ABR: variants seen among roughly 807,000 people sequenced by gnomAD.
The protein encoded by ABR is active breakpoint cluster region-related protein.
ABR carries 35 observed loss-of-function variants against 107.2 expected under a neutral mutation model. The observed-to-expected ratio is 0.33, with a 90% CI of 0.25 to 0.43. ABR has a LOEUF of 0.43. Ranked by LOEUF, ABR falls within the 20% of genes least tolerant of loss-of-function variation. ABR has a pLI of 1.00. For missense variants in ABR, 815 were observed against 1,115.2 expected, an observed-to-expected ratio of 0.73 and a Z score of 3.83; for synonymous variants, 498 against 462.0, an observed-to-expected ratio of 1.08 and a Z score of -1.00.
rs1378835363 is a variant in ABR at position 1,210,967 on chromosome 17, T to C, written c.838+17826A>G. 6.6e-6 allele frequency among the ~76,000 whole-genome samples: 1 copy of C among 152,014 alleles called. No homozygotes were observed. Among genetic ancestry groups the C allele is most frequent in the Non-Finnish European group, 1.5e-5 (1 of 68,010 alleles). ...GGGTGCTGGACTGGCTGCTGAAAAA[T>C]CTCCCGAGCTTGTTAAAAACAGAGA... On this transcript the variant is annotated intron_variant, in intron 1 of 22. Transcript: ENST00000574139. This position sits in a 1 kb window ranked among gnomAD's most constrained non-coding sequence, Gnocchi z 5.6.
rs532801481 is a variant in ABR at position 1,194,684 on chromosome 17, C to T, written c.838+34109G>A. Reference sequence around the variant, plus strand: ...TTTTTTTTTTTTTAAGATGGAGTCTCGCTCTGTTGCCCAGGCTGGAGTGCA... The same window carrying T: ...TTTTTTTTTTTTTAAGATGGAGTCTTGCTCTGTTGCCCAGGCTGGAGTGCA... On this transcript the variant is annotated intron_variant, in intron 1 of 22. Coordinates refer to the ABR transcript ENST00000574139. 7.3e-5 allele frequency among the ~76,000 whole-genome samples: 9 copies of T among 123,976 alleles called. 2 individuals carry two copies. The highest frequency in any genetic ancestry group is 1.4e-4 in the Non-Finnish European group (8 of 58,080). 81.3% of individuals were successfully genotyped at this position (123,976 alleles called of 152,430 possible).
intron 1 of ABR, among the ~76,000 whole-genome samples, chr17:1,223,357 A>G (rs896321914): frequency 5.6e-5 from 8 of 144,084 alleles, no homozygotes; most frequent in African/African-American, 2.0e-4. Context: ...TCGTCACTCT[A>G]CGCCAGGTGT....
At chr17:1,228,553 T>TGCC (rs1386702187) in intron 1 of ABR, among the ~76,000 whole-genome samples, 3 of 152,126 alleles carry the variant, frequency 2.0e-5, no homozygotes, top group Non-Finnish European at 2.9e-5. Flanking sequence ...GCGCCGGCCC[T>TGCC]GCCGCCGCCG....
chr17:1,008,839 C>A (rs1030584730), intron 21 of ABR, among the ~76,000 whole-genome samples: 2 of 152,186 alleles, frequency 1.3e-5, no homozygotes, highest in Non-Finnish European at 2.9e-5. Context: ...CTGAGGACCT[C>A]TGAACTTTGC....
intron 1 of ABR, among the ~76,000 whole-genome samples, chr17:1,197,751 A>G (rs1416874794): frequency 6.6e-6 from 1 of 151,288 alleles, no homozygotes; most frequent in East Asian, 1.9e-4. Context: ...ATTGCTCCCT[A>G]TAGCCAACAT....
In ABR at chr17:1,057,019, G is replaced by A; in HGVS notation, c.1465C>T (p.Pro489Ser). 1 of 1,609,552 alleles carries A rather than the reference G, an allele frequency of 6.2e-7. No individual in the cohort carries two copies. Among genetic ancestry groups the A allele is most frequent in the Non-Finnish European group, 8.5e-7 (1 of 1,176,400 alleles). The change falls in exon 13 of 23, where the codon CCT becomes TCT. Residue 489 changes from proline to serine, a missense_variant. Around this residue, in one of 5 missense-constraint regions of ABR, gnomAD observed 385 missense variants for 596.9 expected, o/e 0.64. Transcript: ENST00000302538. ...TTACCGTCTTTATTGCTGGTGACAG[G>A]AATGTTGTGTACAGTCCTAAGCTTG... ...CFKLRTVHNI[P>S]VTSNKDDDES...
At chr17:1,022,798 G>T (rs916262256) in intron 16 of ABR, among the ~76,000 whole-genome samples, 1 of 152,252 alleles carries the variant, frequency 6.6e-6, no homozygotes, top group African/African-American at 2.4e-5. Context: ...CCACAGATAG[G>T]CTCGGGCTGA....
At chr17:1,069,181 C>T (rs1187452806) in intron 9 of ABR, among the ~76,000 whole-genome samples, 5 of 152,254 alleles carry the variant, frequency 3.3e-5, no homozygotes, top group African/African-American at 1.2e-4. Flanking sequence ...GTGATTACGA[C>T]TGTGTGAAGA....
intron 16 of ABR, among the ~76,000 whole-genome samples, chr17:1,021,634 T>C (rs183683964): frequency 1.8e-4 from 27 of 150,220 alleles, no homozygotes; most frequent in Non-Finnish European, 2.8e-4. Context: ...CGAAACCCCG[T>C]CTCTACTAAA....
chr17:1,196,421 A>G (rs2042566883), intron 1 of ABR, among the ~76,000 whole-genome samples: 2 of 152,210 alleles, frequency 1.3e-5, no homozygotes, highest in South Asian at 4.1e-4. Flanking sequence ...CAAGAGTGAA[A>G]ACTCTGGCCC....
chr17:1,113,277 G>GGT (rs1416563541), intron 2 of ABR, among the ~76,000 whole-genome samples: 27,217 of 87,888 alleles, frequency 0.31, 7,925 homozygotes, highest in Non-Finnish European at 0.36. Flanking sequence ...CACCTATTGC[G>GGT]ATTTTTTTTT....
chr17:1,078,664 C>A lies in ABR; in HGVS notation c.700+666G>T. The A allele has an allele frequency of 1.2e-6, 1 of 813,146 alleles. No individual in the cohort carries two copies. Among genetic ancestry groups the A allele is most frequent in the South Asian group, 1.7e-5 (1 of 57,272 alleles). The allele number at this position is 813,146 out of a possible 1,614,324, so 50.4% of individuals were successfully genotyped here. ...CAGGTTTCAACTCTAGGCTGGATGC[C>A]GCCAAAACGAAGGGGGAATTCAGGT... On this transcript the variant is annotated intron_variant, in intron 6 of 22. Transcript: ENST00000302538. This position sits in a 1 kb window ranked among gnomAD's most constrained non-coding sequence, Gnocchi z 7.5.
At chr17:1,030,675 C>A (rs1360386354) in intron 16 of ABR, among the ~76,000 whole-genome samples, 2 of 152,226 alleles carry the variant, frequency 1.3e-5, no homozygotes, top group African/African-American at 4.8e-5. Flanking sequence ...CTGGCTGATG[C>A]CAGGAGCCTC....
intron 16 of ABR, among the ~76,000 whole-genome samples, chr17:1,013,591 C>A (rs1019570027): frequency 1.2e-4 from 19 of 152,260 alleles, no homozygotes; most frequent in African/African-American, 4.1e-4. Context: ...TCAAGTCCAT[C>A]AGGAGGGAAC....
chr17:1,017,872 G>A (rs995032381), intron 16 of ABR, among the ~76,000 whole-genome samples: 7 of 151,862 alleles, frequency 4.6e-5, no homozygotes, highest in Admixed American at 3.3e-4. Context: ...CAAAGTGCTG[G>A]GATGACAGGC....
chr17:1,203,664 G>C (rs891752277), intron 1 of ABR, among the ~76,000 whole-genome samples: 1 of 152,184 alleles, frequency 6.6e-6, no homozygotes, highest in African/African-American at 2.4e-5. Flanking sequence ...CGGTTTCTGA[G>C]GTTTCGGCGG....
rs1187355850 is a variant in ABR, at chr17:1,092,060, G to A, written c.346-210C>T. On this transcript the variant is annotated intron_variant, in intron 3 of 22. Coordinates refer to ENST00000302538, the MANE Select transcript of ABR (RefSeq NM_021962.5). The surrounding 1 kb of genome is among the most constrained non-coding windows in gnomAD (Gnocchi z 4.6). ...ACACTCGACAGCAGGAACCTGGCCT[G>A]GCAGCTGTGCCAGGCCCGAGGGGTG... Among the ~76,000 whole-genome samples, 2 of 152,088 alleles carry A rather than the reference G, an allele frequency of 1.3e-5. No homozygotes were observed. The highest frequency in any genetic ancestry group is 4.8e-5 in the African/African-American group (2 of 41,414).
In ABR at chr17:1,033,904, A is replaced by G. The variant is rs149010281; in HGVS notation, c.1791+16146T>C. Among the ~76,000 whole-genome samples, 51 of 151,200 alleles carry G rather than the reference A, an allele frequency of 3.4e-4. 1 individual carries two copies. The East Asian group carries it at 9.9e-3, about 29-fold the overall frequency. ...CAGACAGCCCCTTCACACAGCCACA[A>G]AGCCATCTCCTCCAGGAAGGCTCTG... On this transcript the variant is annotated intron_variant, in intron 16 of 22. Coordinates refer to ENST00000302538, the MANE Select transcript of ABR (RefSeq NM_021962.5).
intron 13 of ABR, among the ~76,000 whole-genome samples, chr17:1,056,698 C>T (rs573656320): frequency 1.5e-3 from 224 of 152,290 alleles, no homozygotes; most frequent in Non-Finnish European, 2.6e-3. Context: ...ATTTCCCATA[C>T]ACCATTTTAT....
Sources: gnomAD v4.1 joint callset for allele counts (sites outside exome capture counted in the v4.1 genomes callset) on GRCh38, gnomAD v4.1.1 for gene constraint, gnomAD v4.1.1 regional missense constraint, Gnocchi (gnomAD v3.1) non-coding constraint, MANE v1.5 for transcripts, NCBI Gene and HGNC (gene_info 2026-07-23, HGNC 2026-07-21) for gene names.